Variants in THSD7A observed in about 807,000 individuals in gnomAD.
THSD7A encodes the protein thrombospondin type-1 domain-containing protein 7A.
THSD7A carries 96 observed loss-of-function variants against 231.3 expected under a neutral mutation model. The ratio of observed to expected loss-of-function variants is 0.41; its 90% CI spans 0.35 to 0.49. THSD7A has a LOEUF of 0.49. Ranked by LOEUF, THSD7A falls within the 20% of genes least tolerant of loss-of-function variation. The pLI, the probability that THSD7A is intolerant of heterozygous loss-of-function variation, is 0.05. For synonymous variants in THSD7A, 940 were observed against 743.3 expected (o/e 1.26, Z -4.30); for missense variants, 2,290 against 2,070.2 (o/e 1.11, Z -2.06).
chr7:11,508,424 AC>A (rs1787649958), intron 6 of THSD7A, among the ~76,000 whole-genome samples: 1 of 152,140 alleles, frequency 6.6e-6, no homozygotes, highest in Non-Finnish European at 1.5e-5. Context: ...CAAAGCAAAA[AC>A]AAAAGGTGAA....
At chr7:11,470,736 A>G (rs1047997859) in intron 8 of THSD7A, among the ~76,000 whole-genome samples, 1 of 151,880 alleles carries the variant, frequency 6.6e-6, no homozygotes, top group Non-Finnish European at 1.5e-5. Context: ...AAGATAGTAA[A>G]TCAGTAAAGA....
chr7:11,545,565 G>C (rs1418338128), intron 4 of THSD7A, among the ~76,000 whole-genome samples: 2 of 152,128 alleles, frequency 1.3e-5, no homozygotes, highest in East Asian at 1.9e-4. Context: ...TGGGCTAAAA[G>C]AAGAGGAAGC....
At chr7:11,654,295 C>G (rs530990160) in intron 1 of THSD7A, among the ~76,000 whole-genome samples, 21 of 152,000 alleles carry the variant, frequency 1.4e-4, no homozygotes, top group Admixed American at 8.5e-4. Context: ...AATGCCATAA[C>G]TAGATTTGAT....
intron 4 of THSD7A, among the ~76,000 whole-genome samples, chr7:11,563,197 T>TA (rs11392778): frequency 0.56 from 84,944 of 151,416 alleles, 24,135 homozygotes; most frequent in Middle Eastern, 0.67. Context: ...CCATCATACT[T>TA]AAAAAAAATT....
chr7:11,459,578 A>G (rs1785424080), intron 11 of THSD7A, among the ~76,000 whole-genome samples: 1 of 151,428 alleles, frequency 6.6e-6, no homozygotes, highest in Admixed American at 6.6e-5. Context: ...CCTAAAAACT[A>G]CTGCAACTAG....
chr7:11,830,764 A>G (rs1433947889), intron 1 of THSD7A, among the ~76,000 whole-genome samples: 1 of 152,088 alleles, frequency 6.6e-6, no homozygotes, highest in African/African-American at 2.4e-5. Context: ...AGGAAAAGAC[A>G]CTCACTCCCT....
At chr7:11,707,718 A>G (rs1780815970) in intron 1 of THSD7A, among the ~76,000 whole-genome samples, 1 of 150,856 alleles carries the variant, frequency 6.6e-6, no homozygotes. Context: ...TAAAGCCTTC[A>G]GCAGTGTGCA....
intron 1 of THSD7A, among the ~76,000 whole-genome samples, chr7:11,786,029 C>T (rs1045559889): frequency 6.6e-6 from 1 of 151,802 alleles, no homozygotes; most frequent in African/African-American, 2.4e-5. Context: ...ATAATTAACC[C>T]ATTTCTTCCT....
At chr7:11,729,942 T>G (rs2128156776) in intron 1 of THSD7A, among the ~76,000 whole-genome samples, 1 of 151,838 alleles carries the variant, frequency 6.6e-6, no homozygotes, top group Middle Eastern at 3.4e-3. Flanking sequence ...CTTCCAGTCC[T>G]TTTGCCAAAT....
At chr7:11,552,229 C>G (rs1247715107) in intron 4 of THSD7A, among the ~76,000 whole-genome samples, 1 of 151,876 alleles carries the variant, frequency 6.6e-6, no homozygotes, top group Non-Finnish European at 1.5e-5. Context: ...TGCTCATTAC[C>G]TGGGTGATGA....
intron 1 of THSD7A, among the ~76,000 whole-genome samples, chr7:11,782,444 G>A (rs556744239): frequency 6.6e-6 from 1 of 152,194 alleles, no homozygotes. Flanking sequence ...AGAAAAAGCA[G>A]CCATTCTTTC....
intron 1 of THSD7A, among the ~76,000 whole-genome samples, chr7:11,760,070 C>T (rs1317059872): frequency 1.3e-5 from 2 of 151,970 alleles, no homozygotes; most frequent in Admixed American, 1.3e-4. Flanking sequence ...TAAAGCATCT[C>T]AAGGTACTTA....
intron 7 of THSD7A, among the ~76,000 whole-genome samples, chr7:11,481,072 C>T (rs1171313002): frequency 6.6e-6 from 1 of 152,076 alleles, no homozygotes; most frequent in Non-Finnish European, 1.5e-5. Flanking sequence ...TTAAGTATGA[C>T]ATTATATTAC....
intron 13 of THSD7A, among the ~76,000 whole-genome samples, chr7:11,438,227 G>T (rs928559062): frequency 1.3e-5 from 2 of 152,044 alleles, no homozygotes; most frequent in African/African-American, 4.8e-5. Flanking sequence ...GGAATAAGCA[G>T]TAGACTGCTT....
chr7:11,408,853 C>G (rs936484107), intron 19 of THSD7A, among the ~76,000 whole-genome samples: 5 of 152,104 alleles, frequency 3.3e-5, no homozygotes, highest in African/African-American at 1.2e-4. Flanking sequence ...CCATATCACT[C>G]AATCGAAGCC....
At chr7:11,763,644 C>T (rs1317958261) in intron 1 of THSD7A, among the ~76,000 whole-genome samples, 2 of 151,954 alleles carry the variant, frequency 1.3e-5, no homozygotes, top group Non-Finnish European at 2.9e-5. Flanking sequence ...ATAACTTAAA[C>T]AGTAAGAAAT....
chr7:11,387,719 G>A (rs116859061), intron 23 of THSD7A, among the ~76,000 whole-genome samples: 2,498 of 152,120 alleles, frequency 0.016, 29 homozygotes, highest in South Asian at 0.041. Flanking sequence ...TTGCCTGAAC[G>A]CCCTGGCCAG....
rs577219394 is a variant in THSD7A at position 11,795,398 on chromosome 7, G to A, written c.190+36359C>T. 8.7e-4 allele frequency among the ~76,000 whole-genome samples: 132 copies of A among 152,078 alleles called. 1 individual carries two copies. The highest frequency in any genetic ancestry group is 2.9e-3 in the African/African-American group (122 of 41,546). On this transcript the variant is annotated intron_variant, in intron 1 of 27. Coordinates refer to ENST00000423059, the MANE Select transcript of THSD7A (RefSeq NM_015204.3). ...GCCATTTATGATTTATGATAGGATA[G>A]TGTCAAAAGATGATGGTATCCTATT...
chr7:11,734,711 A>C (rs534729079), intron 1 of THSD7A, among the ~76,000 whole-genome samples: 8 of 152,100 alleles, frequency 5.3e-5, no homozygotes, highest in African/African-American at 1.9e-4. Context: ...GAATGTAAAC[A>C]TCCTAAAGAA....
Sources: allele counts gnomAD v4.1 joint callset (sites outside exome capture counted in the v4.1 genomes callset), GRCh38; gene constraint gnomAD v4.1.1; transcripts MANE v1.5; gene names NCBI Gene and HGNC (gene_info 2026-07-23, HGNC 2026-07-21).